CSGALNACT1: variants seen among roughly 807,000 people sequenced by gnomAD.
CSGALNACT1 encodes the protein chondroitin sulfate N-acetylgalactosaminyltransferase 1, also known as beta4GalNAcT-1.
Under a neutral mutation model 51.0 loss-of-function variants are expected in CSGALNACT1, and 52 were observed. The observed-to-expected ratio is 1.02, with a 90% CI of 0.82 to 1.29. The LOEUF (loss-of-function observed/expected upper bound fraction) is 1.29, where lower values mean the gene tolerates loss of function less well. Among genes scored for constraint, CSGALNACT1 ranks in the 50% most tolerant of loss-of-function variants. The pLI is 0.00. For missense variants in CSGALNACT1, 935 were observed against 679.2 expected, an observed-to-expected ratio of 1.38 and a Z score of -4.19; for synonymous variants, 341 against 254.4, an observed-to-expected ratio of 1.34 and a Z score of -3.24.
intron 1 of CSGALNACT1, among the ~76,000 whole-genome samples, chr8:19,700,003 T>G (rs970821336): frequency 2.6e-5 from 4 of 151,004 alleles, no homozygotes; most frequent in Non-Finnish European, 4.4e-5. Flanking sequence ...TCCCAGCTAC[T>G]CAGGAGGCTG....
At chr8:19,536,988 A>G (rs2083891943) in intron 3 of CSGALNACT1, among the ~76,000 whole-genome samples, 1 of 152,110 alleles carries the variant, frequency 6.6e-6, no homozygotes, top group African/African-American at 2.4e-5. Flanking sequence ...AAAATCCTAA[A>G]TCCCCCTCCA....
intron 1 of CSGALNACT1, among the ~76,000 whole-genome samples, chr8:19,700,376 A>T (rs1210015562): frequency 6.6e-6 from 1 of 152,178 alleles, no homozygotes; most frequent in East Asian, 1.9e-4. Context: ...CCTTATTAAT[A>T]AACCTGGCCC....
At chr8:19,584,646 A>T (rs977027879) in intron 3 of CSGALNACT1, among the ~76,000 whole-genome samples, 2 of 152,236 alleles carry the variant, frequency 1.3e-5, no homozygotes, top group Middle Eastern at 3.2e-3. Flanking sequence ...ATCTAAATAC[A>T]CTTAGCGAAG....
At chr8:19,618,387 T>A (rs775368654) in intron 1 of CSGALNACT1, among the ~76,000 whole-genome samples, 13 of 151,774 alleles carry the variant, frequency 8.6e-5, no homozygotes, top group Non-Finnish European at 1.6e-4. Context: ...ATACCTGTAA[T>A]CCCACAATTT....
At chr8:19,548,491 C>T (rs961918797) in intron 3 of CSGALNACT1, among the ~76,000 whole-genome samples, 8 of 152,036 alleles carry the variant, frequency 5.3e-5, no homozygotes, top group Admixed American at 2.6e-4. Flanking sequence ...ATGCATTATT[C>T]ACATGAAACT....
At chr8:19,475,404 T>A (rs2069312415) in intron 4 of CSGALNACT1, among the ~76,000 whole-genome samples, 1 of 152,074 alleles carries the variant, frequency 6.6e-6, no homozygotes, top group South Asian at 2.1e-4. Context: ...GTTCAGACAA[T>A]CCCTACAGCT....
intron 4 of CSGALNACT1, among the ~76,000 whole-genome samples, chr8:19,478,409 G>A (rs1249158621): frequency 2.0e-4 from 14 of 71,074 alleles, no homozygotes; most frequent in South Asian, 1.4e-3. Flanking sequence ...GCGAGACTCC[G>A]TCTCAAAAAA....
chr8:19,688,549 C>T (rs930773282), intron 1 of CSGALNACT1, among the ~76,000 whole-genome samples: 3 of 152,154 alleles, frequency 2.0e-5, no homozygotes, highest in African/African-American at 7.2e-5. Flanking sequence ...ACTTAAAATC[C>T]AGAAATTATG....
At chr8:19,472,738 G>T (rs1177011282) in intron 4 of CSGALNACT1, among the ~76,000 whole-genome samples, 1 of 152,114 alleles carries the variant, frequency 6.6e-6, no homozygotes, top group Non-Finnish European at 1.5e-5. Flanking sequence ...AAAACATAAA[G>T]ATGCTTCAAA....
intron 4 of CSGALNACT1, among the ~76,000 whole-genome samples, chr8:19,497,335 C>G (rs562579076): frequency 6.6e-6 from 1 of 152,094 alleles, no homozygotes; most frequent in Non-Finnish European, 1.5e-5. Flanking sequence ...ACAGACAATA[C>G]TCAGGGAAAA....
At chr8:19,737,028 C>T (rs2064021397) in intron 1 of CSGALNACT1, among the ~76,000 whole-genome samples, 1 of 152,052 alleles carries the variant, frequency 6.6e-6, no homozygotes, top group African/African-American at 2.4e-5. Flanking sequence ...ATAAAAAAGG[C>T]ATGTTTCTAT....
chr8:19,557,139 C>T (rs1015178767), intron 3 of CSGALNACT1, among the ~76,000 whole-genome samples: 12 of 152,122 alleles, frequency 7.9e-5, no homozygotes, highest in Non-Finnish European at 1.3e-4. Flanking sequence ...ACCCCAGATC[C>T]AATTCTGTAA....
intron 3 of CSGALNACT1, among the ~76,000 whole-genome samples, chr8:19,562,812 G>A (rs1246602978): frequency 3.9e-5 from 6 of 152,132 alleles, no homozygotes; most frequent in East Asian, 1.9e-4. Context: ...AAACAGGAAC[G>A]CTCTTACACT....
At chr8:19,462,036 C>T (rs1052415173) in intron 4 of CSGALNACT1, among the ~76,000 whole-genome samples, 2 of 152,194 alleles carry the variant, frequency 1.3e-5, no homozygotes, top group Admixed American at 1.3e-4. Context: ...CCACATTCGC[C>T]GTGGAGGGTG....
intron 1 of CSGALNACT1, among the ~76,000 whole-genome samples, chr8:19,650,276 A>G (rs2057680562): frequency 6.6e-6 from 1 of 152,244 alleles, no homozygotes; most frequent in Admixed American, 6.5e-5. Context: ...CCCCTTCAGA[A>G]GTATTTGAAA....
At chr8:19,718,252 C>A (rs2062924356) in intron 1 of CSGALNACT1, among the ~76,000 whole-genome samples, 1 of 152,134 alleles carries the variant, frequency 6.6e-6, no homozygotes, top group Non-Finnish European at 1.5e-5. Flanking sequence ...TGCTGCCACA[C>A]CCCTCTAATT....
At chr8:19,682,508 A>T in exon 1 of CSGALNACT1, 1 of 382,670 alleles carries the variant, frequency 2.6e-6, no homozygotes, top group Admixed American at 2.9e-5. Context: ...ACCTGTTGTC[A>T]CCCCTGCCCG....
intron 2 of CSGALNACT1, among the ~76,000 whole-genome samples, chr8:19,592,550 G>A (rs140407474): frequency 6.6e-6 from 1 of 152,164 alleles, no homozygotes; most frequent in African/African-American, 2.4e-5. Context: ...CCAGGAGTTT[G>A]AGACCAGCGT....
intron 3 of CSGALNACT1, among the ~76,000 whole-genome samples, chr8:19,529,126 A>G (rs965240558): frequency 6.6e-6 from 1 of 152,234 alleles, no homozygotes; most frequent in Non-Finnish European, 1.5e-5. Context: ...GAGAACTGCA[A>G]CAAAGCTCGG....
Sources: gnomAD v4.1 joint callset for allele counts (sites outside exome capture counted in the v4.1 genomes callset) on GRCh38, gnomAD v4.1.1 for gene constraint, MANE v1.5 for transcripts, NCBI Gene and HGNC (gene_info 2026-07-23, HGNC 2026-07-21) for gene names.